MIER2: variants seen among roughly 807,000 people sequenced by gnomAD.
MIER2 encodes the protein MIER family member 2.
A neutral mutation model predicts 67.6 loss-of-function variants in MIER2; 30 were observed. That is an observed-to-expected ratio of 0.44 (90% confidence interval 0.33 to 0.60). The LOEUF (loss-of-function observed/expected upper bound fraction) is 0.60, where lower values mean the gene tolerates loss of function less well. Ranked by LOEUF, MIER2 falls within the 20% of genes least tolerant of loss-of-function variation. The pLI, the probability that MIER2 is intolerant of heterozygous loss-of-function variation, is 0.02. For missense variants in MIER2, 702 were observed against 745.1 expected (o/e 0.94, Z 0.67); for synonymous variants, 372 against 312.6 (o/e 1.19, Z -2.00).
rs762030632 is a variant in MIER2 at position 311,824 on chromosome 19, G to A, written c.984+21C>T. On this transcript the variant is annotated intron_variant, in intron 10 of 13. Transcript: ENST00000264819. ...CCCAGATCGAGAAGCCCCCGGTGGAGCCTGGCAGTGGAGTCCGCACCTTGT... is the reference window on the plus strand; with the variant it reads ...CCCAGATCGAGAAGCCCCCGGTGGAACCTGGCAGTGGAGTCCGCACCTTGT... The A allele has an allele frequency of 9.3e-6, 15 of 1,612,894 alleles. No homozygotes were observed. In the South Asian group the frequency reaches 1.6e-4, roughly 18 times the overall value.
intron 8 of MIER2, among the ~76,000 whole-genome samples, 184 bp from the exon 9 acceptor site, chr19:312,456 G>A (rs77201257): frequency 4.0e-5 from 4 of 99,886 alleles, no homozygotes; most frequent in Middle Eastern, 4.8e-3. Context: ...CCTCCTGGGC[G>A]ATGTCAGGGC....
At chr19:344,675 G>T (rs1167774795) in intron 1 of MIER2, 99 bp downstream of exon 1, 8 of 803,832 alleles carry the variant, frequency 1.0e-5, no homozygotes, top group Non-Finnish European at 1.1e-5. Flanking sequence ...CCAGAGCGGG[G>T]CTCTCCGTCC....
At chr19:326,812 G>A in intron 5 of MIER2, 1 of 588,776 alleles carries the variant, frequency 1.7e-6, no homozygotes, top group East Asian at 2.8e-5. Context: ...TGCACCTCTG[G>A]GCCCCGAGCC....
intron 1 of MIER2, among the ~76,000 whole-genome samples, chr19:343,255 T>C (rs572037889): frequency 8.5e-5 from 13 of 152,308 alleles, no homozygotes; most frequent in African/African-American, 2.6e-4. Flanking sequence ...CTTGGGAGTC[T>C]GACTTGTGCC....
intron 7 of MIER2, 100 bp downstream of exon 7, chr19:325,535 G>C: frequency 7.3e-7 from 1 of 1,368,248 alleles, no homozygotes; most frequent in Non-Finnish European, 1.0e-6. Context: ...TGAGCGATGC[G>C]GGGCGGGGAC....
At chr19:319,915 T>C (rs1971427244) in intron 7 of MIER2, among the ~76,000 whole-genome samples, 1 of 152,124 alleles carries the variant, frequency 6.6e-6, no homozygotes, top group East Asian at 1.9e-4. Flanking sequence ...GCAAAAATCA[T>C]AAATGTGAGC....
At chr19:325,602 G>C (rs1489381364) in intron 7 of MIER2, 33 bp downstream of exon 7, 8 of 1,613,160 alleles carry the variant, frequency 5.0e-6, no homozygotes, top group African/African-American at 1.3e-5. Context: ...TTGCAGAAGT[G>C]GGTTTCGCCT....
intron 10 of MIER2, among the ~76,000 whole-genome samples, chr19:311,329 C>T (rs888854990): frequency 1.3e-5 from 2 of 152,258 alleles, no homozygotes; most frequent in Admixed American, 6.5e-5. Flanking sequence ...CTGCTGCAGA[C>T]ATGCAGAGAC....
intron 1 of MIER2, among the ~76,000 whole-genome samples, chr19:341,316 C>T (rs569217278): frequency 3.9e-5 from 6 of 152,260 alleles, no homozygotes; most frequent in African/African-American, 1.4e-4. Flanking sequence ...AGATCCACAC[C>T]GAGTAACAGG....
At position 308,597 on chromosome 19, in the gene MIER2, G is replaced by A. The variant is rs372735295; in HGVS notation, c.1178C>T (p.Thr393Ile). The change falls in exon 12 of 14, where the codon ACC (threonine) becomes ATC (isoleucine). Residue 393 changes from threonine to isoleucine, a missense_variant. Around this residue, in one of 3 missense-constraint regions of MIER2, gnomAD observed 254 missense variants for 262.8 expected, o/e 0.97. Coordinates refer to ENST00000264819, the MANE Select transcript of MIER2 (RefSeq NM_017550.3). This position sits in a 1 kb window ranked among gnomAD's most constrained non-coding sequence, Gnocchi z 9.1. ...CTCACCTGTGCGCATCCCAGTCAGGGTGTCTTGCTCCGGGCGCGGACGGCC... is the reference window on the plus strand; with the variant it reads ...CTCACCTGTGCGCATCCCAGTCAGGATGTCTTGCTCCGGGCGCGGACGGCC... The part of the protein sequence containing the change: ...GPGRPRPEQD[T>I]LTGMRTDPLS... 95 of 1,606,178 alleles carry A rather than the reference G, an allele frequency of 5.9e-5. No individual in the cohort carries two copies. The highest frequency in any genetic ancestry group is 7.8e-5 in the Non-Finnish European group (92 of 1,177,712).
chr19:326,973 G>A, intron 5 of MIER2, 160 bp downstream of exon 5: 2 of 1,035,444 alleles, frequency 1.9e-6, no homozygotes, highest in Admixed American at 3.0e-5. Flanking sequence ...GCGTGGAGGA[G>A]AACAAAGCAC....
At chr19:340,955 G>A (rs1288556907) in intron 1 of MIER2, among the ~76,000 whole-genome samples, 1 of 152,210 alleles carries the variant, frequency 6.6e-6, no homozygotes, top group Non-Finnish European at 1.5e-5. Flanking sequence ...GCAGCTGCAG[G>A]GGCATCTCAC....
chr19:326,327 G>A (rs955117881), intron 6 of MIER2, among the ~76,000 whole-genome samples, 180 bp downstream of exon 6: 6 of 151,538 alleles, frequency 4.0e-5, no homozygotes, highest in Middle Eastern at 3.4e-3. Context: ...AGCCACGGCC[G>A]GGATGCCAGG....
At chr19:340,191 T>C (rs540964345) in intron 1 of MIER2, among the ~76,000 whole-genome samples, 2 of 152,250 alleles carry the variant, frequency 1.3e-5, no homozygotes, top group East Asian at 3.9e-4. Context: ...GTGGTGCAGT[T>C]ACAAAGTGGA....
At position 327,141 on chromosome 19, in the gene MIER2, C is replaced by T. The variant is rs773980643; in HGVS notation, c.485G>A (p.Arg162Gln). 50 of 1,581,996 alleles carry T rather than the reference C, an allele frequency of 3.2e-5. No individual in the cohort carries two copies. The highest frequency in any genetic ancestry group is 2.2e-4 in the Admixed American group (11 of 49,250). The change falls in exon 5 of 14, where the codon CGG becomes CAG. Residue 162 changes from arginine (R) to glutamine (Q), a missense_variant. By Grantham distance (43) the Arg-to-Gln change is conservative (BLOSUM62 1). Coordinates refer to ENST00000264819, the MANE Select transcript of MIER2 (RefSeq NM_017550.3). ...SHEASDLFPN[R>Q]SGSRFLADED... ...GGGACAGAGTCACCTACATCCACTC[C>T]GGTTAGGGAAGAGGTCGGAGGCCTC...
intron 7 of MIER2, among the ~76,000 whole-genome samples, chr19:323,473 A>G (rs9630891): frequency 0.15 from 22,620 of 150,834 alleles, 2,171 homozygotes; most frequent in African/African-American, 0.26. Context: ...TGACACAGGC[A>G]TCATCACAAT....
rs149479560 is a variant in MIER2, at chr19:307,309, G to A, written c.1426C>T (p.Leu476=). The A allele has an allele frequency of 4.0e-4, 640 of 1,600,500 alleles. 3 individuals are homozygous for A. In the East Asian group the frequency reaches 0.013, roughly 32 times the overall value. ...ASPRLAVDFA[L]PKELPLISSH... ...GAGATGAGGGGCAGCTCCTTGGGCA[G>A]GGCGAAGTCCACGGCCAGCCTTGGG... is the stretch of plus-strand genomic sequence containing the variant. Residue 476 remains leucine, a synonymous_variant, in exon 13 of 14, where the codon CTG becomes TTG. Coordinates refer to ENST00000264819, the MANE Select transcript of MIER2 (RefSeq NM_017550.3).
chr19:334,147 G>A, intron 3 of MIER2: 1 of 420,134 alleles, frequency 2.4e-6, no homozygotes. Flanking sequence ...TAATTTTTAA[G>A]AGTACAAAGC....
At chr19:331,360 G>GAAAAAAAAAAAAAAAAA (rs917485905) in intron 3 of MIER2, among the ~76,000 whole-genome samples, 1 of 117,964 alleles carries the variant, frequency 8.5e-6, no homozygotes, top group Admixed American at 8.9e-5. Flanking sequence ...TCTGTCCCCA[G>GAAAAAAAAAAAAAAAAA]AAAAAAAAAA....
Sources: allele counts gnomAD v4.1 joint callset (sites outside exome capture counted in the v4.1 genomes callset), GRCh38; gene constraint gnomAD v4.1.1; regional missense constraint gnomAD v4.1.1; non-coding constraint Gnocchi (gnomAD v3.1); transcripts MANE v1.5; gene names NCBI Gene and HGNC (gene_info 2026-07-23, HGNC 2026-07-21).